The following CCDC88C variants were observed in gnomAD, a reference collection of about 807,000 sequenced individuals.
CCDC88C encodes coiled-coil and HOOK domain protein 88C, also known as protein Daple.
In CCDC88C, 131 loss-of-function variants were observed where a neutral mutation model predicts 198.8. The observed-to-expected ratio is 0.66, with a 90% CI of 0.57 to 0.76. The LOEUF is 0.76. CCDC88C is among the 30% of genes least tolerant of loss of function. The pLI is 0.00. For synonymous variants in CCDC88C, 1,166 were observed against 1,114.7 expected, an observed-to-expected ratio of 1.05 and a Z score of -0.92; for missense variants, 2,553 against 2,631.6, an observed-to-expected ratio of 0.97 and a Z score of 0.65.
rs970284726 is a variant in CCDC88C, at chr14:91,272,918, C to G, written c.5794G>C (p.Ala1932Pro). 8 of 1,573,950 alleles carry G rather than the reference C, an allele frequency of 5.1e-6. No homozygotes were observed. In the African/African-American group the frequency reaches 1.1e-4, roughly 21 times the overall value. ...SNSQLLHFSP[A>P]AAPAARTKPK... ...TTGGTCCTGGCAGCCGGGGCTGCAG[C>G]AGGTGAGAAGTGCAGGAGCTGGGAG... is the stretch of plus-strand genomic sequence containing the variant. Residue 1932 changes from alanine (A) to proline (P), a missense_variant, in exon 30 of 30, where the codon GCT (alanine) becomes CCT (proline). By Grantham distance (27) the Ala-to-Pro change is conservative. This residue lies in a region of CCDC88C where 1,293 missense variants were observed against 1,219.6 expected (regional missense o/e 1.06). Transcript: ENST00000389857.
intron 26 of CCDC88C, among the ~76,000 whole-genome samples, chr14:91,283,120 T>C (rs956596911): frequency 3.9e-5 from 6 of 152,180 alleles, no homozygotes; most frequent in Admixed American, 6.5e-5. Flanking sequence ...CCCATTGCAG[T>C]TGGGCCTCTG....
In CCDC88C at chr14:91,379,988, C is replaced by T. The variant is rs188385021; in HGVS notation, c.271-20277G>A. 1,060 of 676,664 alleles carry T rather than the reference C, an allele frequency of 1.6e-3. 5 individuals carry two copies. Among genetic ancestry groups the T allele is most frequent in the African/African-American group, 0.015 (848 of 55,762 alleles). 41.9% of individuals were successfully genotyped at this position (676,664 alleles called of 1,614,324 possible). A position where few individuals can be genotyped will look rare whatever the true frequency, so the allele number is the denominator to read the frequency against. Reference sequence around the variant, plus strand: ...AAAGGGGTAAAACTGTTGGGAACTGCGCGAGCCCACCGTGAGAACCAACTC... The same window carrying T: ...AAAGGGGTAAAACTGTTGGGAACTGTGCGAGCCCACCGTGAGAACCAACTC... On this transcript the variant is annotated intron_variant, in intron 3 of 29. Coordinates refer to ENST00000389857, the MANE Select transcript of CCDC88C (RefSeq NM_001080414.4).
Position 91,272,944 on chromosome 14 carries a change from T to G in CCDC88C, c.5768A>C (p.Asn1923Thr), listed in dbSNP as rs778361328. The G allele has an allele frequency of 3.2e-6, 5 of 1,562,222 alleles. No homozygotes were observed. Among genetic ancestry groups the G allele is most frequent in the Non-Finnish European group, 4.3e-6 (5 of 1,158,930 alleles). Residue 1923 changes from asparagine (N) to threonine (T), a missense_variant, in exon 30 of 30, where the codon AAC becomes ACC. Physicochemically the swap from Asn to Thr is moderately conservative, Grantham distance 65. Coordinates refer to ENST00000389857, the MANE Select transcript of CCDC88C (RefSeq NM_001080414.4). ...AGAAAAGSGS[N>T]SQLLHFSPAA... ...AGGTGAGAAGTGCAGGAGCTGGGAG[T>G]TGCTGCCACTGCCAGCAGCAGCAGC...
In CCDC88C at chr14:91,416,854, C is replaced by T. The variant is rs956464374; in HGVS notation, c.61-16G>A. 8 of 1,588,402 alleles carry T rather than the reference C, an allele frequency of 5.0e-6. No individual in the cohort carries two copies. The African/African-American group carries it at 8.1e-5, about 16-fold the overall frequency. ...AAGTTTTCACCTGCGGGGAGGGGGA[C>T]GAGGAGAGAAAGACAGGAAGTCACC... On this transcript the variant is annotated splice_polypyrimidine_tract_variant and intron_variant, in intron 1 of 29. Coordinates refer to ENST00000389857, the MANE Select transcript of CCDC88C (RefSeq NM_001080414.4).
intron 20 of CCDC88C, among the ~76,000 whole-genome samples, chr14:91,302,993 A>T (rs184538540): frequency 6.6e-6 from 1 of 152,304 alleles, no homozygotes; most frequent in Non-Finnish European, 1.5e-5. Context: ...CCCTCTTACT[A>T]CTGTCTTCAG....
At chr14:91,408,817 C>T (rs1181644267) in intron 2 of CCDC88C, 50 bp from the exon 3 acceptor site, 2 of 1,230,410 alleles carry the variant, frequency 1.6e-6, no homozygotes, top group Admixed American at 1.8e-5. Context: ...GCAGCTGCCA[C>T]ACTTCCTTTC....
intron 14 of CCDC88C, among the ~76,000 whole-genome samples, chr14:91,315,082 C>T (rs759979075): frequency 1.1e-4 from 16 of 152,172 alleles, no homozygotes; most frequent in Middle Eastern, 3.2e-3. Context: ...GTGACGTCTA[C>T]GGAGCATCCT....
At chr14:91,372,410 G>A (rs896624115) in intron 3 of CCDC88C, among the ~76,000 whole-genome samples, 5 of 151,680 alleles carry the variant, frequency 3.3e-5, no homozygotes, top group African/African-American at 1.2e-4. Flanking sequence ...CACCTGAGCT[G>A]GGGGCACTGG....
intron 3 of CCDC88C, among the ~76,000 whole-genome samples, chr14:91,385,330 C>T (rs1283614799): frequency 6.6e-6 from 1 of 152,168 alleles, no homozygotes; most frequent in African/African-American, 2.4e-5. Context: ...CAAGAAACGC[C>T]CTCATGGCAT....
chr14:91,384,296 G>C, intron 3 of CCDC88C: 1 of 234,648 alleles, frequency 4.3e-6, no homozygotes, highest in Non-Finnish European at 8.2e-6. Flanking sequence ...TTTTGTATTT[G>C]AAATTTTTAT....
chr14:91,313,204 G>A lies in CCDC88C; in HGVS notation c.2612C>T (p.Ala871Val), dbSNP rs201539077. ...GCAGCGGGCCAGCTCCTTGTCCAGC[G>A]CGCGGCTCTCCTTCTCAACGGCGGA... ...KLSAVEKESR[A>V]LDKELARCRD... is the part of the protein sequence containing the mutation. Residue 871 changes from alanine (A) to valine (V), a missense_variant, in exon 15 of 30, where the codon GCG (alanine) becomes GTG (valine). Physicochemically the swap from Ala to Val is moderately conservative, Grantham distance 64 (BLOSUM62 0). This residue lies in a region of CCDC88C where 1,260 missense variants were observed against 1,412.0 expected (regional missense o/e 0.89). Transcript: ENST00000389857. This position sits in a 1 kb window ranked among gnomAD's most constrained non-coding sequence, Gnocchi z 5.2. 505 of 1,613,834 alleles carry A rather than the reference G, an allele frequency of 3.1e-4. 4 individuals are homozygous for A. The South Asian group carries it at 4.7e-3, about 15-fold the overall frequency.
intron 15 of CCDC88C, among the ~76,000 whole-genome samples, chr14:91,311,863 T>C (rs1017347333): frequency 2.0e-5 from 3 of 151,988 alleles, no homozygotes; most frequent in Non-Finnish European, 4.4e-5. Context: ...CCCTAAAAAA[T>C]AGTTTGATTC....
intron 4 of CCDC88C, among the ~76,000 whole-genome samples, chr14:91,354,044 G>T (rs1893930590): frequency 6.6e-6 from 1 of 152,130 alleles, no homozygotes; most frequent in Non-Finnish European, 1.5e-5. Context: ...GCGCCTATGG[G>T]GACCTCCATG....
intron 18 of CCDC88C, 131 bp downstream of exon 18, chr14:91,306,907 G>A (rs1440484431): frequency 8.1e-6 from 8 of 988,898 alleles, no homozygotes; most frequent in African/African-American, 4.9e-5. Flanking sequence ...TGCAACTCAA[G>A]ACGTGTCCAA....
intron 27 of CCDC88C, among the ~76,000 whole-genome samples, chr14:91,280,632 T>C (rs1271080742): frequency 3.9e-5 from 6 of 152,198 alleles, no homozygotes; most frequent in African/African-American, 1.4e-4. Flanking sequence ...AGAACATTTA[T>C]GAAAAAAGTT....
chr14:91,324,703 A>G, intron 12 of CCDC88C, 76 bp downstream of exon 12: 1 of 1,546,124 alleles, frequency 6.5e-7, no homozygotes, highest in South Asian at 1.1e-5. Flanking sequence ...TGGCAGATTC[A>G]GAGCCCAGGA....
chr14:91,302,774 G>A (rs1044526851), intron 20 of CCDC88C, among the ~76,000 whole-genome samples: 10 of 152,108 alleles, frequency 6.6e-5, no homozygotes, highest in Non-Finnish European at 1.5e-4. Context: ...CATAATTAAA[G>A]GTTAAAAATG....
chr14:91,282,442 C>T (rs1464376755), intron 26 of CCDC88C, among the ~76,000 whole-genome samples: 1 of 152,138 alleles, frequency 6.6e-6, no homozygotes, highest in Non-Finnish European at 1.5e-5. Context: ...AGCATTATCT[C>T]TTCCTTTCTC....
At chr14:91,287,180 A>T (rs539107366) in intron 25 of CCDC88C, among the ~76,000 whole-genome samples, 6 of 152,366 alleles carry the variant, frequency 3.9e-5, no homozygotes, top group African/African-American at 1.4e-4. Context: ...AGGAGCCAAT[A>T]TAAAAACCTG....
Sources: gnomAD v4.1 joint callset for allele counts (sites outside exome capture counted in the v4.1 genomes callset) on GRCh38, gnomAD v4.1.1 for gene constraint, gnomAD v4.1.1 regional missense constraint, Gnocchi (gnomAD v3.1) non-coding constraint, MANE v1.5 for transcripts, NCBI Gene and HGNC (gene_info 2026-07-23, HGNC 2026-07-21) for gene names.